The following NUBPL variants were observed in gnomAD, a reference collection of about 807,000 sequenced individuals.
NUBPL encodes iron-sulfur cluster transfer protein NUBPL.
A neutral mutation model predicts 45.7 loss-of-function variants in NUBPL; 31 were observed. That is an observed-to-expected ratio of 0.68 (90% CI 0.51 to 0.92). The LOEUF is 0.92. NUBPL is among the 40% of genes least tolerant of loss of function. The pLI, the probability that NUBPL is intolerant of heterozygous loss-of-function variation, is 0.00. For missense variants in NUBPL, 401 were observed against 398.7 expected (o/e 1.01, Z -0.05); for synonymous variants, 144 against 140.9 (o/e 1.02, Z -0.15).
chr14:31,801,657 A>G (rs1039070653), intron 7 of NUBPL, among the ~76,000 whole-genome samples: 3 of 152,290 alleles, frequency 2.0e-5, no homozygotes, highest in South Asian at 4.1e-4. Context: ...GTTTATTTTG[A>G]TAGGTTAGTT....
At chr14:31,735,443 A>G (rs1452556947) in intron 6 of NUBPL, among the ~76,000 whole-genome samples, 1 of 152,200 alleles carries the variant, frequency 6.6e-6, no homozygotes, top group Non-Finnish European at 1.5e-5. Context: ...CAAACACTAT[A>G]TGGTTCAAAT....
chr14:31,600,868 A>G (rs1198471791), intron 4 of NUBPL, among the ~76,000 whole-genome samples: 1 of 151,442 alleles, frequency 6.6e-6, no homozygotes, highest in African/African-American at 2.4e-5. Context: ...GTTTTCTTCT[A>G]GGGTTTTTAT....
chr14:31,787,493 A>G (rs2039304851), intron 6 of NUBPL, among the ~76,000 whole-genome samples: 1 of 152,160 alleles, frequency 6.6e-6, no homozygotes, highest in African/African-American at 2.4e-5. Context: ...AAATAAGTGA[A>G]TGGTCCTGAA....
intron 4 of NUBPL, among the ~76,000 whole-genome samples, chr14:31,630,871 C>T (rs1241565868): frequency 6.6e-6 from 1 of 152,160 alleles, no homozygotes; most frequent in Non-Finnish European, 1.5e-5. Flanking sequence ...GATTCTTTCC[C>T]CACCATTGGG....
intron 6 of NUBPL, among the ~76,000 whole-genome samples, chr14:31,693,784 G>T (rs1595503229): frequency 7.3e-6 from 1 of 137,890 alleles, no homozygotes; most frequent in Non-Finnish European, 1.5e-5. Context: ...AGCCTTTTAG[G>T]CACCTAAGAC....
intron 7 of NUBPL, among the ~76,000 whole-genome samples, chr14:31,808,481 T>G (rs1283704028): frequency 6.6e-6 from 1 of 152,246 alleles, no homozygotes; most frequent in African/African-American, 2.4e-5. Flanking sequence ...ATCCTGAGAC[T>G]TTGCTGAAGT....
chr14:31,664,046 A>T (rs1035943997), intron 4 of NUBPL, among the ~76,000 whole-genome samples: 7 of 152,024 alleles, frequency 4.6e-5, no homozygotes, highest in Non-Finnish European at 7.4e-5. Flanking sequence ...TTTGTCTGTT[A>T]TTGGTGTATA....
intron 6 of NUBPL, among the ~76,000 whole-genome samples, chr14:31,734,890 A>G (rs1295632392): frequency 6.6e-6 from 1 of 152,038 alleles, no homozygotes; most frequent in Non-Finnish European, 1.5e-5. Context: ...TTTAACCTCC[A>G]GGTTATAACC....
At chr14:31,805,924 T>G (rs898629984) in intron 7 of NUBPL, among the ~76,000 whole-genome samples, 2 of 148,018 alleles carry the variant, frequency 1.4e-5, no homozygotes, top group Admixed American at 6.7e-5. Flanking sequence ...TAAAAAATTT[T>G]GGGGGGCATT....
chr14:31,821,385 A>G (rs1178858790), intron 7 of NUBPL, among the ~76,000 whole-genome samples: 6 of 152,228 alleles, frequency 3.9e-5, no homozygotes, highest in Admixed American at 1.3e-4. Flanking sequence ...AAAGATCTGA[A>G]TAGACATTTG....
intron 6 of NUBPL, among the ~76,000 whole-genome samples, chr14:31,750,138 CT>C (rs1263884429): frequency 4.7e-5 from 7 of 150,348 alleles, no homozygotes; most frequent in Admixed American, 4.6e-4. Flanking sequence ...TGTCTTTATT[CT>C]TTTGTATTTC....
intron 4 of NUBPL, among the ~76,000 whole-genome samples, chr14:31,605,342 TTA>T (rs1215949159): frequency 6.6e-6 from 1 of 152,222 alleles, no homozygotes; most frequent in Non-Finnish European, 1.5e-5. Context: ...ACTGGTGAAT[TTA>T]TTACTACTTA....
At chr14:31,708,445 C>T (rs565794726) in intron 6 of NUBPL, among the ~76,000 whole-genome samples, 13 of 152,184 alleles carry the variant, frequency 8.5e-5, no homozygotes, top group African/African-American at 3.1e-4. Flanking sequence ...AACTTGTTCC[C>T]CATATTCATG....
intron 10 of NUBPL, among the ~76,000 whole-genome samples, chr14:31,855,735 C>G (rs11621686): frequency 6.6e-6 from 1 of 151,666 alleles, no homozygotes. Context: ...TGAAGACATG[C>G]GAAACACTCT....
chr14:31,774,374 G>A (rs1343717163), intron 6 of NUBPL, among the ~76,000 whole-genome samples: 2 of 152,182 alleles, frequency 1.3e-5, no homozygotes, highest in Non-Finnish European at 2.9e-5. Context: ...CAGCTGAGAA[G>A]CCTAAAATGG....
At chr14:31,726,235 T>A (rs2037921765) in intron 6 of NUBPL, among the ~76,000 whole-genome samples, 1 of 152,202 alleles carries the variant, frequency 6.6e-6, no homozygotes, top group South Asian at 2.1e-4. Flanking sequence ...GATTATGTCT[T>A]ATAAAGATCT....
intron 4 of NUBPL, among the ~76,000 whole-genome samples, chr14:31,619,560 T>C (rs1011450912): frequency 6.6e-6 from 1 of 152,212 alleles, no homozygotes; most frequent in African/African-American, 2.4e-5. Context: ...TTTGGTTGGA[T>C]ATGAAATTCT....
At chr14:31,672,976 G>A (rs2036607112) in intron 4 of NUBPL, among the ~76,000 whole-genome samples, 1 of 152,200 alleles carries the variant, frequency 6.6e-6, no homozygotes, top group South Asian at 2.1e-4. Flanking sequence ...AAGGGGAGAT[G>A]TTAGTCAAGT....
chr14:31,725,970 A>G (rs141961646), intron 6 of NUBPL, among the ~76,000 whole-genome samples: 163 of 152,206 alleles, frequency 1.1e-3, no homozygotes, highest in South Asian at 1.9e-3. Flanking sequence ...TCAGCCTCCC[A>G]AAGTCCTGGG....
Sources: allele counts gnomAD v4.1 joint callset (sites outside exome capture counted in the v4.1 genomes callset), GRCh38; gene constraint gnomAD v4.1.1; transcripts MANE v1.5; gene names NCBI Gene and HGNC (gene_info 2026-07-23, HGNC 2026-07-21).